DACH2: variants seen among roughly 807,000 people sequenced by gnomAD.
DACH2 encodes the protein dachshund homolog 2.
Under a neutral mutation model 35.8 loss-of-function variants are expected in DACH2, and 17 were observed. The ratio of observed to expected loss-of-function variants is 0.48; its 90% CI spans 0.33 to 0.71. DACH2 has a LOEUF of 0.71. Among genes scored for constraint, DACH2 ranks in the 30% least tolerant of loss-of-function variants. DACH2 has a pLI of 0.02. For missense variants in DACH2, 469 were observed against 472.7 expected (o/e 0.99, Z 0.07); for synonymous variants, 195 against 177.3 (o/e 1.10, Z -0.79).
At chrX:86,368,023 C>G (rs1032134354) in intron 1 of DACH2, among the ~76,000 whole-genome samples, 1 of 111,571 alleles carries the variant, frequency 9.0e-6, no homozygotes, top group Admixed American at 9.6e-5. Context: ...TTTTAATTTC[C>G]TAAAGCATTG....
chrX:86,443,185 C>A (rs185785837), intron 2 of DACH2, among the ~76,000 whole-genome samples: 172 of 111,788 alleles, frequency 1.5e-3, no homozygotes, highest in Non-Finnish European at 2.6e-3. Context: ...TTAGTCCAAT[C>A]CATAATCGCA....
intron 1 of DACH2, among the ~76,000 whole-genome samples, chrX:86,206,464 A>G (rs1329811235): frequency 8.9e-6 from 1 of 111,759 alleles, no homozygotes; most frequent in Admixed American, 9.5e-5. Flanking sequence ...TTGATAAAGT[A>G]TGTACTGCAT....
chrX:86,234,886 T>G (rs951979082), intron 1 of DACH2, among the ~76,000 whole-genome samples: 9 of 111,542 alleles, frequency 8.1e-5, no homozygotes, highest in Non-Finnish European at 1.9e-5. Flanking sequence ...GTGCTAGGGT[T>G]ATAGCCATGA....
chrX:86,347,002 G>A (rs1352225343), intron 1 of DACH2, among the ~76,000 whole-genome samples: 4 of 111,580 alleles, frequency 3.6e-5, no homozygotes, highest in Non-Finnish European at 7.5e-5. Flanking sequence ...GTTAAACACA[G>A]TTATATTTGC....
chrX:86,259,931 A>C lies in DACH2; in HGVS notation c.488+110823A>C, dbSNP rs113650485. 5.4e-3 allele frequency among the ~76,000 whole-genome samples: 607 copies of C among 111,556 alleles called. 4 individuals are homozygous for C. The highest frequency in any genetic ancestry group is 0.018 in the African/African-American group (562 of 30,789). On this transcript the variant is annotated intron_variant, in intron 1 of 11. Transcript: ENST00000373125. Reference sequence around the variant, plus strand: ...GATGCAATGCCAAACATAGACTGCAATAAGGAGATTTTCTTACTGCTTATT... The same window carrying C: ...GATGCAATGCCAAACATAGACTGCACTAAGGAGATTTTCTTACTGCTTATT...
chrX:86,484,526 T>C (rs1196957451), intron 2 of DACH2, among the ~76,000 whole-genome samples: 2 of 112,286 alleles, frequency 1.8e-5, no homozygotes, highest in African/African-American at 3.2e-5. Context: ...CTTTTAAGAA[T>C]GTGGTATTAG....
intron 6 of DACH2, among the ~76,000 whole-genome samples, chrX:86,737,154 A>G (rs1387166356): frequency 8.9e-6 from 1 of 112,052 alleles, no homozygotes; most frequent in Admixed American, 9.5e-5. Flanking sequence ...GAAGGGCTGT[A>G]TGGATATTGC....
intron 2 of DACH2, among the ~76,000 whole-genome samples, chrX:86,420,390 G>A (rs748531174): frequency 1.8e-5 from 2 of 112,015 alleles, no homozygotes; most frequent in African/African-American, 6.5e-5. Flanking sequence ...TTTTGTGACA[G>A]ACATGAACAT....
At chrX:86,517,498 C>T (rs755052640) in intron 3 of DACH2, among the ~76,000 whole-genome samples, 2 of 106,720 alleles carry the variant, frequency 1.9e-5, no homozygotes, top group Admixed American at 1.0e-4. Context: ...CTCACTGCAA[C>T]CTCTGCCTCC....
At chrX:86,650,539 A>G (rs980707626) in intron 3 of DACH2, among the ~76,000 whole-genome samples, 2 of 111,441 alleles carry the variant, frequency 1.8e-5, no homozygotes, top group Non-Finnish European at 1.9e-5. Flanking sequence ...GCTCCCACTG[A>G]CAATGTTGTT....
rs748163074 is a variant in DACH2, at chrX:86,270,562, C to T, written c.489-106262C>T. ...GGTTAGATAGAGGTGGGATTCGTTTCATGCCAGAATTTTTAAAAGCTTTAT... is the reference window on the plus strand; with the variant it reads ...GGTTAGATAGAGGTGGGATTCGTTTTATGCCAGAATTTTTAAAAGCTTTAT... On this transcript the variant is annotated intron_variant, in intron 1 of 11. Coordinates refer to ENST00000373125, the MANE Select transcript of DACH2 (RefSeq NM_053281.3). Among the ~76,000 whole-genome samples, 170 of 111,880 alleles carry T rather than the reference C, an allele frequency of 1.5e-3. 1 individual carries two copies. The highest frequency in any genetic ancestry group is 8.4e-3 in the East Asian group (30 of 3,554).
intron 2 of DACH2, among the ~76,000 whole-genome samples, chrX:86,427,091 T>C (rs747516097): frequency 1.5e-4 from 17 of 111,565 alleles, no homozygotes; most frequent in Non-Finnish European, 2.6e-4. Flanking sequence ...GTCCGGATGA[T>C]AGGAGCTCTT....
chrX:86,611,780 G>T (rs2039948341), intron 3 of DACH2, among the ~76,000 whole-genome samples: 1 of 111,435 alleles, frequency 9.0e-6, no homozygotes, highest in Non-Finnish European at 1.9e-5. Context: ...ACACCACAGT[G>T]CTGCTATCAC....
intron 3 of DACH2, among the ~76,000 whole-genome samples, chrX:86,614,682 G>A (rs1277002303): frequency 9.0e-6 from 1 of 111,249 alleles, no homozygotes; most frequent in African/African-American, 3.3e-5. Flanking sequence ...ACAGCAGAGG[G>A]ATCAGGTAGT....
chrX:86,782,795 CTA>C (rs1248899131), intron 7 of DACH2, among the ~76,000 whole-genome samples: 1 of 111,424 alleles, frequency 9.0e-6, no homozygotes, highest in Admixed American at 9.6e-5. Flanking sequence ...AGACCTCAAA[CTA>C]TGAAACTACT....
intron 1 of DACH2, among the ~76,000 whole-genome samples, chrX:86,255,000 C>T (rs2033489991): frequency 9.3e-6 from 1 of 107,420 alleles, no homozygotes; most frequent in African/African-American, 3.4e-5. Flanking sequence ...GAAGTGGCAT[C>T]AGGGTAGGAA....
intron 1 of DACH2, among the ~76,000 whole-genome samples, chrX:86,154,396 G>T (rs888066121): frequency 9.0e-6 from 1 of 111,306 alleles, no homozygotes; most frequent in Non-Finnish European, 1.9e-5. Context: ...TGATATTCTT[G>T]TTGTATATTC....
intron 1 of DACH2, among the ~76,000 whole-genome samples, chrX:86,317,982 TTCAG>T (rs2034945481): frequency 9.0e-6 from 1 of 111,584 alleles, no homozygotes. Flanking sequence ...AATACACCCT[TTCAG>T]TCAAAGTCTT....
At chrX:86,821,583 G>A (rs1246258552) in intron 11 of DACH2, among the ~76,000 whole-genome samples, 2 of 111,140 alleles carry the variant, frequency 1.8e-5, no homozygotes, top group Non-Finnish European at 3.8e-5. Flanking sequence ...CCTGACTGGT[G>A]GTACCTCTCT....
Sources: gnomAD v4.1 joint callset for allele counts (sites outside exome capture counted in the v4.1 genomes callset) on GRCh38, gnomAD v4.1.1 for gene constraint, MANE v1.5 for transcripts, NCBI Gene and HGNC (gene_info 2026-07-23, HGNC 2026-07-21) for gene names.